MASP1: variants seen among roughly 807,000 people sequenced by gnomAD.
MASP1 encodes the protein mannan-binding lectin serine protease 1.
In MASP1, 59 loss-of-function variants were observed where a neutral mutation model predicts 77.1. That is an observed-to-expected ratio of 0.77 (90% CI 0.62 to 0.95). The LOEUF (loss-of-function observed/expected upper bound fraction) is 0.95. Among genes scored for constraint, MASP1 ranks in the 40% least tolerant of loss-of-function variants. MASP1 has a pLI of 0.00. For synonymous variants in MASP1, 362 were observed against 354.5 expected (o/e 1.02, Z -0.24); for missense variants, 885 against 912.9 (o/e 0.97, Z 0.39).
At chr3:187,233,131 C>G (rs1425262910), downstream of MASP1, among the ~76,000 whole-genome samples, 2 of 152,234 alleles carry the variant, frequency 1.3e-5, no homozygotes, top group Admixed American at 6.5e-5. Context: ...AGTTGCATAA[C>G]TGCTTTCCTA....
intron 8 of MASP1, chr3:187,244,229 C>T (rs116826349): frequency 0.012 from 1,850 of 160,610 alleles, 38 homozygotes; most frequent in African/African-American, 0.043. Context: ...GATCAGCTTT[C>T]AGTCTTCCCC....
chr3:187,237,920 C>T (rs1713310815), intron 10 of MASP1, among the ~76,000 whole-genome samples: 2 of 152,212 alleles, frequency 1.3e-5, no homozygotes. Context: ...TTCAGATGCT[C>T]TTCTTCCTGA....
chr3:187,289,176 C>T lies in MASP1; in HGVS notation c.5+2452G>A, dbSNP rs111887991. On this transcript the variant is annotated intron_variant, in intron 1 of 10. Coordinates refer to ENST00000296280, the MANE Select transcript of MASP1 (RefSeq NM_139125.4). ...TATATAGAGCTGAGATTTCAGAGGC[C>T]CCCCGTAGGAACAGGCTAGCAGGAC... 8.0e-3 allele frequency among the ~76,000 whole-genome samples: 1,124 copies of T among 140,702 alleles called. 20 individuals carry two copies. The highest frequency in any genetic ancestry group is 0.032 in the African/African-American group (1,068 of 33,298). 92.3% of individuals were successfully genotyped at this position (140,702 alleles called of 152,430 possible).
chr3:187,263,262 G>C (rs749424851), intron 2 of MASP1: 1 of 158,734 alleles, frequency 6.3e-6, no homozygotes, highest in Admixed American at 5.9e-5. Flanking sequence ...TTTCACACAA[G>C]CAGAAGCACT....
chr3:187,258,817 T>G (rs698096), intron 4 of MASP1, among the ~76,000 whole-genome samples: 149,416 of 152,298 alleles, frequency 0.98, 73,350 homozygotes, highest in Middle Eastern at 1. Context: ...ACTTCCATTT[T>G]CTGTCCATCA....
chr3:187,231,643 T>C (rs1423808465), downstream of MASP1, among the ~76,000 whole-genome samples: 1 of 152,246 alleles, frequency 6.6e-6, no homozygotes, highest in Non-Finnish European at 1.5e-5. Flanking sequence ...ACATTTTGCA[T>C]CCCTAGGAAT....
At chr3:187,230,456 G>GTGTGCCTATAAATA (rs1280745906), downstream of MASP1, among the ~76,000 whole-genome samples, 2 of 152,186 alleles carry the variant, frequency 1.3e-5, no homozygotes, top group African/African-American at 4.8e-5. Context: ...TTTCAGTTAT[G>GTGTGCCTATAAATA]TGTGCCTATA....
downstream of MASP1, among the ~76,000 whole-genome samples, chr3:187,231,326 T>A (rs1712750251): frequency 6.6e-6 from 1 of 152,228 alleles, no homozygotes; most frequent in Non-Finnish European, 1.5e-5. Flanking sequence ...AGACTTTTCA[T>A]CCTAAAAATC....
chr3:187,288,657 TG>T (rs1718051756), intron 1 of MASP1, among the ~76,000 whole-genome samples: 1 of 152,230 alleles, frequency 6.6e-6, no homozygotes, highest in South Asian at 2.1e-4. Context: ...GAATGAGCTT[TG>T]GCTCCTAAAC....
At chr3:187,265,002 A>G (rs1423334052) in intron 2 of MASP1, among the ~76,000 whole-genome samples, 1 of 152,092 alleles carries the variant, frequency 6.6e-6, no homozygotes, top group East Asian at 1.9e-4. Context: ...TCTAGCTCTC[A>G]GTTATCCACT....
intron 8 of MASP1, chr3:187,244,382 G>T (rs1042048048): frequency 2.0e-5 from 3 of 152,452 alleles, no homozygotes; most frequent in African/African-American, 7.2e-5. Flanking sequence ...TGTCAGCACT[G>T]ATGGAGCCCA....
chr3:187,226,264 G>C, intron 12 of MASP1: 1 of 693,822 alleles, frequency 1.4e-6, no homozygotes, highest in Non-Finnish European at 2.6e-6. Flanking sequence ...CTTGGACTCA[G>C]GTTCCTGGAC....
chr3:187,219,633 A>T (rs1241191893), exon 16 of MASP1: 1 of 236,450 alleles, frequency 4.2e-6, no homozygotes, highest in Non-Finnish European at 8.5e-6. Context: ...GGTTTGTAAG[A>T]GAGCTTCGTC....
chr3:187,283,935 C>G (rs1357848935), intron 2 of MASP1, among the ~76,000 whole-genome samples: 4 of 152,132 alleles, frequency 2.6e-5, no homozygotes, highest in African/African-American at 9.7e-5. Context: ...CTGGATAACC[C>G]TTTTATCCTG....
In MASP1 at chr3:187,236,084, G is replaced by C; in HGVS notation, c.1787C>G (p.Ser596Cys). 2 of 1,614,038 alleles carry C rather than the reference G, an allele frequency of 1.2e-6. No individual in the cohort carries two copies. Among genetic ancestry groups the C allele is most frequent in the Admixed American group, 3.3e-5 (2 of 60,030 alleles). ...MLGLVAGWGI[S>C]NPNVTVDEII... Reference sequence around the variant, plus strand: ...CTCATCCACTGTCACATTGGGATTGGAGATGCCCCAGCCGGCCACCAGGCC... The same window carrying C: ...CTCATCCACTGTCACATTGGGATTGCAGATGCCCCAGCCGGCCACCAGGCC... Residue 596 changes from serine to cysteine, a missense_variant, in exon 11 of 11, where the codon TCC becomes TGC. Transcript: ENST00000296280.
At chr3:187,238,342 T>G (rs768128005) in intron 10 of MASP1, among the ~76,000 whole-genome samples, 1 of 152,218 alleles carries the variant, frequency 6.6e-6, no homozygotes, top group Non-Finnish European at 1.5e-5. Context: ...AAGCCAGAAC[T>G]CGAACCTATT....
chr3:187,233,972 T>C, downstream of MASP1: 1 of 675,260 alleles, frequency 1.5e-6, no homozygotes, highest in Non-Finnish European at 2.1e-6. Flanking sequence ...AGTTGTACTT[T>C]TTCTGCAACA....
chr3:187,236,319 C>T lies in MASP1; in HGVS notation c.1552G>A (p.Val518Ile), dbSNP rs73068950. 6.4e-4 allele frequency: 1,037 copies of T among 1,614,254 alleles called. 4 individuals are homozygous for T. The African/African-American group carries it at 0.01, about 16-fold the overall frequency. ...VIPVSKEHVT[V>I]YLGLHDVRDK... is the part of the protein sequence containing the mutation. ...CGCACATCATGCAAGCCCAGGTAGA[C>T]GGTGACATGCTCCTTGGAGACTGGT... Residue 518 changes from valine to isoleucine, a missense_variant, in exon 11 of 11, where the codon GTC (valine) becomes ATC (isoleucine). By Grantham distance (29) the Val-to-Ile change is conservative (BLOSUM62 3). Coordinates refer to ENST00000296280, the MANE Select transcript of MASP1 (RefSeq NM_139125.4).
At chr3:187,261,829 G>A (rs971067510) in intron 3 of MASP1, among the ~76,000 whole-genome samples, 7 of 152,220 alleles carry the variant, frequency 4.6e-5, no homozygotes, top group South Asian at 2.1e-4. Context: ...CCAAGTAGCC[G>A]TCAATAAGAG....
Sources: allele counts gnomAD v4.1 joint callset (sites outside exome capture counted in the v4.1 genomes callset), GRCh38; gene constraint gnomAD v4.1.1; transcripts MANE v1.5; gene names NCBI Gene and HGNC (gene_info 2026-07-23, HGNC 2026-07-21).